The following PJA2 variants were observed in gnomAD, a reference collection of about 807,000 sequenced individuals.
PJA2 encodes E3 ubiquitin-protein ligase Praja-2.
PJA2 carries 25 observed loss-of-function variants against 69.3 expected under a neutral mutation model. The ratio of observed to expected loss-of-function variants is 0.36; its 90% CI spans 0.26 to 0.50. The LOEUF (loss-of-function observed/expected upper bound fraction) is 0.50. PJA2 is among the 20% of genes least tolerant of loss of function. The probability of loss-of-function intolerance (pLI) is 0.96; values close to 1 mark genes in which losing one functional copy is unlikely to be tolerated. For synonymous variants in PJA2, 308 were observed against 277.8 expected (o/e 1.11, Z -1.08); for missense variants, 809 against 830.2 (o/e 0.97, Z 0.31).
intron 9 of PJA2, among the ~76,000 whole-genome samples, chr5:109,340,798 G>A (rs1474256996): frequency 3.8e-5 from 4 of 104,540 alleles, no homozygotes; most frequent in African/African-American, 6.3e-5. Flanking sequence ...TTGCAGGCTC[G>A]CGCCGCCACA....
intron 3 of PJA2, among the ~76,000 whole-genome samples, chr5:109,379,978 GAA>G (rs1377276122): frequency 1.1e-4 from 15 of 141,966 alleles, no homozygotes; most frequent in Non-Finnish European, 2.3e-4. Flanking sequence ...TAAAAAAAAT[GAA>G]GACATTTGAG....
At chr5:109,374,124 T>C (rs966015636) in intron 4 of PJA2, among the ~76,000 whole-genome samples, 2 of 152,258 alleles carry the variant, frequency 1.3e-5, no homozygotes, top group African/African-American at 4.8e-5. Flanking sequence ...TATGTCCAAA[T>C]ATATAAGTCT....
chr5:109,377,690 C>A (rs969034876), intron 4 of PJA2, among the ~76,000 whole-genome samples: 1 of 151,796 alleles, frequency 6.6e-6, no homozygotes, highest in African/African-American at 2.4e-5. Context: ...ATCTACCACA[C>A]AGAGTTGTTA....
chr5:109,376,862 A>T (rs188314244), intron 4 of PJA2, among the ~76,000 whole-genome samples: 139 of 152,274 alleles, frequency 9.1e-4, no homozygotes, highest in South Asian at 1.2e-3. Context: ...GTAATCAAAC[A>T]TAACTATATT....
At chr5:109,398,339 C>T (rs1215633234) in intron 1 of PJA2, among the ~76,000 whole-genome samples, 13 of 152,084 alleles carry the variant, frequency 8.5e-5, no homozygotes, top group African/African-American at 2.4e-4. Context: ...ATGTTTACTG[C>T]GGCACTATTC....
chr5:109,366,506 A>T (rs866930433), intron 5 of PJA2, among the ~76,000 whole-genome samples: 8 of 152,324 alleles, frequency 5.3e-5, no homozygotes, highest in Middle Eastern at 3.4e-3. Flanking sequence ...TCAAAAGTCA[A>T]TTCTAAAGAG....
chr5:109,408,662 A>C (rs1747750594), intron 1 of PJA2, among the ~76,000 whole-genome samples: 1 of 152,218 alleles, frequency 6.6e-6, no homozygotes, highest in African/African-American at 2.4e-5. Flanking sequence ...AAATATTTAA[A>C]TTTTACCTAA....
intron 3 of PJA2, among the ~76,000 whole-genome samples, chr5:109,380,080 AG>A (rs1195063884): frequency 3.4e-5 from 5 of 146,824 alleles, no homozygotes; most frequent in Non-Finnish European, 7.5e-5. Context: ...TATGGTACGA[AG>A]GGTTCTTTTT....
chr5:109,403,766 A>T (rs1427085188), intron 1 of PJA2, among the ~76,000 whole-genome samples: 5 of 11,212 alleles, frequency 4.5e-4, no homozygotes, highest in African/African-American at 2.3e-3. Flanking sequence ...TCATGATTTA[A>T]AAAAAAAAAA....
chr5:109,339,294 G>C (rs1384976311), intron 9 of PJA2, among the ~76,000 whole-genome samples: 1 of 152,116 alleles, frequency 6.6e-6, no homozygotes, highest in Non-Finnish European at 1.5e-5. Flanking sequence ...AAGAGTGAGG[G>C]GATAGGAAGA....
At chr5:109,372,795 C>A (rs1157009081) in intron 4 of PJA2, among the ~76,000 whole-genome samples, 1 of 150,662 alleles carries the variant, frequency 6.6e-6, no homozygotes, top group African/African-American at 2.4e-5. Context: ...ATCCCAGCTA[C>A]TCAGGAGGCT....
chr5:109,351,629 G>A (rs1031049508), intron 7 of PJA2, among the ~76,000 whole-genome samples: 4 of 151,984 alleles, frequency 2.6e-5, no homozygotes, highest in Admixed American at 6.6e-5. Context: ...GGTTAAAGAT[G>A]TTTAAGGTTT....
intron 9 of PJA2, among the ~76,000 whole-genome samples, chr5:109,342,494 C>T (rs565312488): frequency 1.2e-4 from 16 of 130,830 alleles, no homozygotes; most frequent in African/African-American, 2.7e-4. Context: ...GCCCCCCGCC[C>T]GGCCAGCCAC....
At chr5:109,367,884 C>T (rs770135767) in intron 5 of PJA2, among the ~76,000 whole-genome samples, 5 of 152,164 alleles carry the variant, frequency 3.3e-5, no homozygotes, top group African/African-American at 7.2e-5. Flanking sequence ...TCATAAAATT[C>T]AACAAACATT....
At chr5:109,393,467 G>C (rs1032701165) in intron 1 of PJA2, among the ~76,000 whole-genome samples, 2 of 152,106 alleles carry the variant, frequency 1.3e-5, no homozygotes, top group Non-Finnish European at 2.9e-5. Flanking sequence ...TGGTTAAGCA[G>C]TCCATCTTAC....
chr5:109,361,303 C>A (rs1378784656), intron 6 of PJA2, among the ~76,000 whole-genome samples: 3 of 152,070 alleles, frequency 2.0e-5, no homozygotes. Context: ...AAGTATAGAA[C>A]AAGTTTTATG....
At chr5:109,357,639 G>A (rs563506883) in intron 6 of PJA2, among the ~76,000 whole-genome samples, 15 of 152,314 alleles carry the variant, frequency 9.8e-5, no homozygotes, top group African/African-American at 1.4e-4. Context: ...CACAGAGATG[G>A]CACCACAGTA....
chr5:109,375,550 G>T (rs753897577), intron 4 of PJA2, among the ~76,000 whole-genome samples: 1 of 151,978 alleles, frequency 6.6e-6, no homozygotes, highest in African/African-American at 2.4e-5. Flanking sequence ...ATGCCACAAT[G>T]AACTTTAGTT....
rs151300194 is a variant in PJA2 at position 109,378,828 on chromosome 5, G to A, written c.659C>T (p.Pro220Leu). ...EAYTGLSPPV[P>L]SFNCEVRDEF... ...ATCTCTTACTTCACAGTTAAATGAG[G>A]GAACTGGTGGTGAAAGACCAGTGTA... Residue 220 changes from proline to leucine, a missense_variant, in exon 4 of 10, where the codon CCC (proline) becomes CTC (leucine). Physicochemically the swap from Pro to Leu is moderately conservative, Grantham distance 98 (BLOSUM62 -3). Transcript: ENST00000361189. The A allele has an allele frequency of 3.1e-4, 504 of 1,613,670 alleles. 7 individuals are homozygous for A. The East Asian group carries it at 9.5e-3, about 31-fold the overall frequency.
Sources: allele counts gnomAD v4.1 joint callset (sites outside exome capture counted in the v4.1 genomes callset), GRCh38; gene constraint gnomAD v4.1.1; transcripts MANE v1.5; gene names NCBI Gene and HGNC (gene_info 2026-07-23, HGNC 2026-07-21).